GSR: variants seen among roughly 807,000 people sequenced by gnomAD.
GSR encodes glutathione reductase, mitochondrial.
Under a neutral mutation model 56.5 loss-of-function variants are expected in GSR, and 48 were observed. The observed-to-expected ratio is 0.85, with a 90% CI of 0.67 to 1.08. The LOEUF (loss-of-function observed/expected upper bound fraction) is 1.08, where lower values mean the gene tolerates loss of function less well. GSR is among the 50% of genes least tolerant of loss of function. GSR has a pLI of 0.00. For synonymous variants in GSR, 264 were observed against 270.8 expected (o/e 0.97, Z 0.25); for missense variants, 694 against 703.3 (o/e 0.99, Z 0.15).
chr8:30,682,213 C>A, intron 10 of GSR, 152 bp from the exon 11 acceptor site: 1 of 716,566 alleles, frequency 1.4e-6, no homozygotes, highest in Non-Finnish European at 2.5e-6. Flanking sequence ...TTTAATACAG[C>A]GAAGATATGT....
intron 8 of GSR, 111 bp from the exon 9 acceptor site, chr8:30,689,430 A>T (rs1192525353): frequency 2.3e-6 from 2 of 873,310 alleles, no homozygotes; most frequent in African/African-American, 3.3e-5. Context: ...GAAAATCCCT[A>T]CTGAATCCCA....
intron 9 of GSR, chr8:30,687,644 C>A (rs1803207775): frequency 6.6e-6 from 1 of 151,788 alleles, no homozygotes; most frequent in Non-Finnish European, 1.5e-5. Flanking sequence ...AAGACTCTGT[C>A]TCAAAACAAA....
chr8:30,712,782 T>C (rs1804200882), intron 1 of GSR, among the ~76,000 whole-genome samples: 1 of 152,222 alleles, frequency 6.6e-6, no homozygotes, highest in African/African-American at 2.4e-5. Flanking sequence ...ACTTAGGATA[T>C]TGATTAACCA....
At chr8:30,706,820 G>A (rs1480611606) in intron 4 of GSR, among the ~76,000 whole-genome samples, 1 of 152,110 alleles carries the variant, frequency 6.6e-6, no homozygotes, top group East Asian at 1.9e-4. Context: ...CTCTTAAGGA[G>A]GTCTTACTCT....
chr8:30,712,150 T>C (rs2128746832), intron 1 of GSR, 62 bp from the exon 2 acceptor site: 1 of 846,272 alleles, frequency 1.2e-6, no homozygotes, highest in Non-Finnish European at 2.0e-6. Flanking sequence ...AAACGAAATC[T>C]GCAAGAAATG....
At chr8:30,683,882 A>G (rs978295838) in intron 10 of GSR, among the ~76,000 whole-genome samples, 1 of 152,168 alleles carries the variant, frequency 6.6e-6, no homozygotes, top group Non-Finnish European at 1.5e-5. Flanking sequence ...TGAAAACTTC[A>G]GTCTGTGCTA....
intron 1 of GSR, among the ~76,000 whole-genome samples, chr8:30,725,607 TGTG>T: frequency 6.8e-6 from 1 of 147,758 alleles, no homozygotes; most frequent in East Asian, 2.0e-4. Flanking sequence ...ATTAGCTGGG[TGTG>T]GTGGCTCATG....
At chr8:30,700,844 A>T (rs1189692131) in intron 5 of GSR, among the ~76,000 whole-genome samples, 3 of 152,032 alleles carry the variant, frequency 2.0e-5, no homozygotes, top group East Asian at 3.8e-4. Flanking sequence ...CTATATAGTG[A>T]AATATACATG....
At position 30,709,901 on chromosome 8, in the gene GSR, A is replaced by G; in HGVS notation, c.335T>C (p.Val112Ala). The G allele has an allele frequency of 2.2e-6, 3 of 1,357,980 alleles. No homozygotes were observed. The highest frequency in any genetic ancestry group is 3.1e-6 in the Non-Finnish European group (3 of 981,890). 84.1% of individuals were successfully genotyped at this position (1,357,980 alleles called of 1,614,324 possible). A position where few individuals can be genotyped will look rare whatever the true frequency, so the allele number is the denominator to read the frequency against. The change falls in exon 3 of 13, where the codon GTA becomes GCA. Residue 112 changes from valine (V) to alanine (A), a missense_variant and splice_region_variant. Physicochemically the swap from Val to Ala is moderately conservative, Grantham distance 64. Coordinates refer to ENST00000221130, the MANE Select transcript of GSR (RefSeq NM_000637.5). The stretch of plus-strand genomic sequence containing the variant: ...AGAGTGGACAGCTGTGTTCCACATT[A>G]CCTGTAAAAAAAAAAAAAAAAAAGG... Reference protein sequence around the residue: ...CVNVGCVPKKVMWNTAVHSEF... With the variant: ...CVNVGCVPKKAMWNTAVHSEF...
At chr8:30,708,240 G>T in intron 3 of GSR, 99 bp from the exon 4 acceptor site, 1 of 860,386 alleles carries the variant, frequency 1.2e-6, no homozygotes, top group South Asian at 1.3e-5. Context: ...GAGAATCACT[G>T]ACTGTCAACA....
chr8:30,700,723 C>CAAAAAAAAAAAAAAAAAAAAAAAAAA (rs55702917), intron 5 of GSR, among the ~76,000 whole-genome samples: 4 of 80,044 alleles, frequency 5.0e-5, no homozygotes, highest in African/African-American at 1.4e-4. Flanking sequence ...ATTTTGTCTC[C>CAAAAAAAAAAAAAAAAAAAAAAAAAA]AAAAAAAAAA....
chr8:30,699,002 T>C (rs896722986), intron 6 of GSR, among the ~76,000 whole-genome samples: 1 of 152,176 alleles, frequency 6.6e-6, no homozygotes, highest in Admixed American at 6.6e-5. Flanking sequence ...TGAATCTAAA[T>C]CCATTCAGCA....
At chr8:30,713,710 T>C (rs1804234644) in intron 1 of GSR, among the ~76,000 whole-genome samples, 1 of 152,194 alleles carries the variant, frequency 6.6e-6, no homozygotes, top group Non-Finnish European at 1.5e-5. Flanking sequence ...AATAATGAAA[T>C]ATTTTTCATC....
intron 4 of GSR, among the ~76,000 whole-genome samples, chr8:30,704,390 T>A (rs1803855958): frequency 6.6e-6 from 1 of 151,994 alleles, no homozygotes; most frequent in Non-Finnish European, 1.5e-5. Flanking sequence ...AATGGTGAAA[T>A]GAACAGAGGC....
chr8:30,721,087 C>A (rs56190797), intron 1 of GSR, among the ~76,000 whole-genome samples: 16,098 of 151,920 alleles, frequency 0.11, 929 homozygotes, highest in South Asian at 0.14. Flanking sequence ...CAGAGTGAGA[C>A]CCTGCCTCAA....
chr8:30,727,438 G>A (rs892305381), intron 1 of GSR, 92 bp downstream of exon 1: 6 of 1,215,130 alleles, frequency 4.9e-6, no homozygotes, highest in African/African-American at 1.6e-5. Flanking sequence ...CAGCGCCGGG[G>A]GACAGGATCG....
chr8:30,692,841 AC>A lies in GSR; in HGVS notation c.882+127del, dbSNP rs1803434141. The A allele has an allele frequency of 8.3e-6, 6 of 726,660 alleles. No individual in the cohort carries two copies. The East Asian group carries it at 1.5e-4, about 18-fold the overall frequency. The allele number at this position is 726,660 out of a possible 1,614,324, so 45.0% of individuals were successfully genotyped here. ...TAGGAGGAAGGAAATAATAGGGAGT[AC>A]CCTAGAGGTGGAATATATGGACCGG... On this transcript the variant is annotated intron_variant, in intron 8 of 12. Coordinates refer to ENST00000221130, the MANE Select transcript of GSR (RefSeq NM_000637.5).
chr8:30,683,404 T>C (rs1381967784), intron 10 of GSR, among the ~76,000 whole-genome samples: 2 of 152,044 alleles, frequency 1.3e-5, no homozygotes, highest in East Asian at 1.9e-4. Flanking sequence ...TGGATAGAGA[T>C]GGGACAGAGC....
intron 3 of GSR, among the ~76,000 whole-genome samples, chr8:30,709,576 T>G (rs1428383560): frequency 6.6e-6 from 1 of 152,090 alleles, no homozygotes; most frequent in Non-Finnish European, 1.5e-5. Flanking sequence ...TTTAATAGAA[T>G]AGTTTCTGTT....
Sources: allele counts gnomAD v4.1 joint callset (sites outside exome capture counted in the v4.1 genomes callset), GRCh38; gene constraint gnomAD v4.1.1; transcripts MANE v1.5; gene names NCBI Gene and HGNC (gene_info 2026-07-23, HGNC 2026-07-21).